Variants in ATP8B4 observed in about 807,000 individuals in gnomAD.
ATP8B4 encodes the protein ATPase phospholipid transporting 8B4 (putative).
A neutral mutation model predicts 145.6 loss-of-function variants in ATP8B4; 133 were observed. The observed-to-expected ratio is 0.91, with a 90% CI of 0.79 to 1.05. The LOEUF (loss-of-function observed/expected upper bound fraction) is 1.05, where lower values mean the gene tolerates loss of function less well. Among genes scored for constraint, ATP8B4 ranks in the 50% least tolerant of loss-of-function variants. The pLI, the probability that ATP8B4 is intolerant of heterozygous loss-of-function variation, is 0.00. For synonymous variants in ATP8B4, 507 were observed against 492.9 expected, an observed-to-expected ratio of 1.03 and a Z score of -0.38; for missense variants, 1,458 against 1,425.2, an observed-to-expected ratio of 1.02 and a Z score of -0.37.
intron 21 of ATP8B4, among the ~76,000 whole-genome samples, chr15:49,900,146 T>C (rs945058431): frequency 6.6e-6 from 1 of 152,214 alleles, no homozygotes; most frequent in African/African-American, 2.4e-5. Flanking sequence ...TTGTGTCATG[T>C]GGACAAACTT....
intron 27 of ATP8B4, among the ~76,000 whole-genome samples, chr15:49,861,617 A>C (rs865869760): frequency 6.6e-6 from 1 of 152,096 alleles, no homozygotes; most frequent in East Asian, 1.9e-4. Flanking sequence ...GCTTTATCTG[A>C]GTCCTGACCT....
chr15:50,047,247 T>G, intron 4 of ATP8B4, 104 bp downstream of exon 4: 1 of 693,688 alleles, frequency 1.4e-6, no homozygotes, highest in Non-Finnish European at 2.5e-6. Context: ...AAAGGATGAT[T>G]GTACCTAATC....
chr15:50,109,079 C>G (rs2056820858), intron 1 of ATP8B4, among the ~76,000 whole-genome samples: 1 of 152,256 alleles, frequency 6.6e-6, no homozygotes, highest in Middle Eastern at 3.4e-3. Context: ...TTTGGCTGCT[C>G]CCTCCTGTTT....
intron 2 of ATP8B4, among the ~76,000 whole-genome samples, chr15:50,075,991 G>A (rs746856081): frequency 3.9e-5 from 6 of 152,166 alleles, no homozygotes; most frequent in African/African-American, 1.2e-4. Flanking sequence ...CTGGTATGCT[G>A]CATGTAATTA....
intron 3 of ATP8B4, among the ~76,000 whole-genome samples, chr15:50,071,938 T>C (rs1053631519): frequency 9.9e-5 from 15 of 152,022 alleles, no homozygotes; most frequent in African/African-American, 3.4e-4. Context: ...GAAACCTACA[T>C]TGAAAATCAA....
chr15:50,077,836 A>G (rs776894999), intron 2 of ATP8B4, among the ~76,000 whole-genome samples: 7 of 152,118 alleles, frequency 4.6e-5, no homozygotes, highest in Non-Finnish European at 1.0e-4. Context: ...GCTATAGCCA[A>G]CTTGGCCCCT....
intron 20 of ATP8B4, among the ~76,000 whole-genome samples, chr15:49,905,357 A>AG (rs1275389122): frequency 4.6e-5 from 7 of 152,254 alleles, no homozygotes; most frequent in Non-Finnish European, 8.8e-5. Flanking sequence ...TGAACTCAAA[A>AG]GCATAACACA....
intron 1 of ATP8B4, among the ~76,000 whole-genome samples, chr15:50,167,010 C>T (rs1485483607): frequency 2.6e-5 from 4 of 152,144 alleles, no homozygotes; most frequent in Non-Finnish European, 4.4e-5. Context: ...ATGTTTAATT[C>T]CCAGATCACA....
intron 7 of ATP8B4, among the ~76,000 whole-genome samples, chr15:50,004,752 G>T (rs1191823272): frequency 2.1e-5 from 3 of 144,020 alleles, no homozygotes; most frequent in African/African-American, 8.0e-5. Context: ...ACACAGTAAG[G>T]GTAGGAGCCA....
At chr15:49,973,144 G>A (rs942754994) in intron 12 of ATP8B4, among the ~76,000 whole-genome samples, 4 of 152,138 alleles carry the variant, frequency 2.6e-5, no homozygotes, top group African/African-American at 2.4e-5. Context: ...TTTGGTCACC[G>A]GGGACCAGTT....
At chr15:49,978,054 C>A (rs1013840341) in intron 12 of ATP8B4, among the ~76,000 whole-genome samples, 6 of 81,580 alleles carry the variant, frequency 7.4e-5, no homozygotes, top group Non-Finnish European at 1.3e-4. Context: ...TGAGAATCTA[C>A]CTTTGGTCTC....
At chr15:49,928,930 A>G (rs2040990764) in intron 16 of ATP8B4, among the ~76,000 whole-genome samples, 1 of 152,090 alleles carries the variant, frequency 6.6e-6, no homozygotes, top group African/African-American at 2.4e-5. Flanking sequence ...ATTAGTCTAG[A>G]GAAGTGGTCC....
At chr15:49,940,082 A>G (rs1286480670) in intron 14 of ATP8B4, among the ~76,000 whole-genome samples, 3 of 152,204 alleles carry the variant, frequency 2.0e-5, no homozygotes, top group Non-Finnish European at 4.4e-5. Flanking sequence ...TTCTGCCGAA[A>G]ATACACATGC....
rs2153606267 is a variant in ATP8B4, at chr15:50,044,707, C to A, written c.202-15G>T. The A allele has an allele frequency of 6.3e-6, 10 of 1,580,638 alleles. No individual in the cohort carries two copies. The highest frequency in any genetic ancestry group is 8.7e-6 in the Non-Finnish European group (10 of 1,150,592). On this transcript the variant is annotated splice_polypyrimidine_tract_variant and intron_variant, in intron 4 of 27. Transcript: ENST00000284509. ...TCTGGAATTAGCTGAAACAAACATTCCAAATAGTTTAGGGCTTTTAAAGTT... is the reference window on the plus strand; with the variant it reads ...TCTGGAATTAGCTGAAACAAACATTACAAATAGTTTAGGGCTTTTAAAGTT...
intron 23 of ATP8B4, 59 bp from the exon 24 acceptor site, chr15:49,879,518 C>A (rs1399538140): frequency 2.8e-6 from 4 of 1,435,712 alleles, no homozygotes; most frequent in Non-Finnish European, 3.8e-6. Context: ...AGAATATTCA[C>A]ATTTAGGTTA....
chr15:50,032,350 C>T (rs1185877150), intron 6 of ATP8B4, among the ~76,000 whole-genome samples: 2 of 152,150 alleles, frequency 1.3e-5, no homozygotes, highest in South Asian at 4.1e-4. Context: ...CATGTCCCTG[C>T]AAAGGATATG....
intron 13 of ATP8B4, among the ~76,000 whole-genome samples, chr15:49,972,036 A>AC (rs1308579061): frequency 6.6e-6 from 1 of 152,244 alleles, no homozygotes; most frequent in South Asian, 2.1e-4. Flanking sequence ...AAAACCAAAC[A>AC]CCGCATATTC....
At chr15:50,141,976 T>C (rs186189816) in intron 1 of ATP8B4, among the ~76,000 whole-genome samples, 1 of 152,266 alleles carries the variant, frequency 6.6e-6, no homozygotes, top group East Asian at 1.9e-4. Context: ...GCTTCACATA[T>C]GGCATGTCTG....
chr15:50,145,251 A>G (rs952259368), intron 1 of ATP8B4, among the ~76,000 whole-genome samples: 1 of 152,234 alleles, frequency 6.6e-6, no homozygotes, highest in African/African-American at 2.4e-5. Context: ...TGGGCATAAA[A>G]ATACATTTTA....
Sources: gnomAD v4.1 joint callset for allele counts (sites outside exome capture counted in the v4.1 genomes callset) on GRCh38, gnomAD v4.1.1 for gene constraint, MANE v1.5 for transcripts, NCBI Gene and HGNC (gene_info 2026-07-23, HGNC 2026-07-21) for gene names.